Variants in RNF220 observed in about 807,000 individuals in gnomAD.
RNF220 encodes the protein E3 ubiquitin-protein ligase RNF220.
In RNF220, 7 loss-of-function variants were observed where a neutral mutation model predicts 67.1. That is an observed-to-expected ratio of 0.10 (90% CI 0.06 to 0.20). RNF220 has a LOEUF of 0.20. Ranked by LOEUF, RNF220 falls within the 10% of genes least tolerant of loss-of-function variation. RNF220 has a pLI of 1.00. For synonymous variants in RNF220, 270 were observed against 283.2 expected (o/e 0.95, Z 0.47); for missense variants, 565 against 740.3 (o/e 0.76, Z 2.75).
chr1:44,587,901 T>C (rs1665825084), intron 2 of RNF220, among the ~76,000 whole-genome samples: 1 of 152,192 alleles, frequency 6.6e-6, no homozygotes, highest in African/African-American at 2.4e-5. Flanking sequence ...TGAATGTGCA[T>C]TTGCGGCTAT....
At chr1:44,563,797 T>G (rs1663777176) in intron 2 of RNF220, among the ~76,000 whole-genome samples, 1 of 152,224 alleles carries the variant, frequency 6.6e-6, no homozygotes, top group Admixed American at 6.5e-5. Flanking sequence ...GTCCGTGTTC[T>G]TCTTCCACCC....
intron 2 of RNF220, among the ~76,000 whole-genome samples, chr1:44,576,562 G>A (rs374232341): frequency 6.6e-6 from 1 of 151,956 alleles, no homozygotes; most frequent in South Asian, 2.1e-4. Flanking sequence ...TGGCTGGGCT[G>A]TGACTGAAGC....
intron 2 of RNF220, among the ~76,000 whole-genome samples, chr1:44,499,696 T>G (rs1284624408): frequency 2.0e-5 from 3 of 149,322 alleles, no homozygotes; most frequent in African/African-American, 7.8e-5. Context: ...CCCAAATTTA[T>G]ATCTCTAGCC....
At position 44,614,295 on chromosome 1, in the gene RNF220, G is replaced by A. The variant is rs762350391; in HGVS notation, c.756G>A (p.Ser252=). The A allele has an allele frequency of 8.1e-6, 13 of 1,613,616 alleles. No individual in the cohort carries two copies. The highest frequency in any genetic ancestry group is 4.4e-5 in the South Asian group (4 of 90,938). The change falls in exon 3 of 15, where the codon TCG becomes TCA. Residue 252 remains serine, a splice_region_variant and synonymous_variant. Coordinates refer to ENST00000361799, the MANE Select transcript of RNF220 (RefSeq NM_018150.4). ...TGGAGCAGCTAGCCCAACTGCCCTC[G>A]AGGTAAGCCACCTCCCAGGGAGCCT... is the stretch of plus-strand genomic sequence containing the variant. ...QELEQLAQLP[S]SKNSLLKDAM... is the part of the protein sequence containing the mutation.
chr1:44,541,373 A>C (rs982735714), intron 2 of RNF220, among the ~76,000 whole-genome samples: 1 of 152,248 alleles, frequency 6.6e-6, no homozygotes, highest in Non-Finnish European at 1.5e-5. Flanking sequence ...GGTTGCAGTA[A>C]GCCAAGATCG....
chr1:44,462,831 A>G (rs1005217198), intron 2 of RNF220, among the ~76,000 whole-genome samples: 16 of 149,758 alleles, frequency 1.1e-4, no homozygotes, highest in African/African-American at 3.9e-4. Context: ...GATCGAGACC[A>G]TCCTGGCTAA....
At chr1:44,632,549 A>C in intron 6 of RNF220, 164 bp downstream of exon 6, 1 of 699,808 alleles carries the variant, frequency 1.4e-6, no homozygotes, top group African/African-American at 1.8e-5. Flanking sequence ...TGCCGCTCTC[A>C]GTTTCCCCGT....
In RNF220 at chr1:44,622,185, G is replaced by C. The variant is rs539844611; in HGVS notation, c.759-557G>C. On this transcript the variant is annotated intron_variant, in intron 3 of 14. Transcript: ENST00000361799. The surrounding 1 kb of genome is among the most constrained non-coding windows in gnomAD (Gnocchi z 4.3). ...TCCATCACCTCCCACCCCAGCCCCC[G>C]CCTGCTCTGAGCCGCCCACCATATT... is the stretch of plus-strand genomic sequence containing the variant. Among the ~76,000 whole-genome samples, 1 of 152,052 alleles carries C rather than the reference G, an allele frequency of 6.6e-6. No individual in the cohort carries two copies.
chr1:44,607,477 G>A (rs1048273989), intron 2 of RNF220, among the ~76,000 whole-genome samples: 4 of 136,234 alleles, frequency 2.9e-5, no homozygotes, highest in Non-Finnish European at 4.6e-5. Flanking sequence ...ACCTTCAAAT[G>A]TGCTGTTTTC....
chr1:44,457,120 C>A (rs1653272000), intron 2 of RNF220, among the ~76,000 whole-genome samples: 1 of 152,010 alleles, frequency 6.6e-6, no homozygotes, highest in African/African-American at 2.4e-5. Flanking sequence ...TATACTCTCC[C>A]AACACCCTCC....
chr1:44,611,637 C>T (rs917818861), intron 2 of RNF220, among the ~76,000 whole-genome samples: 4 of 152,202 alleles, frequency 2.6e-5, no homozygotes, highest in African/African-American at 9.6e-5. Flanking sequence ...ATCCTGCCAA[C>T]CTTGCTGGCC....
At chr1:44,558,479 T>C (rs1404596988) in intron 2 of RNF220, among the ~76,000 whole-genome samples, 2 of 152,176 alleles carry the variant, frequency 1.3e-5, no homozygotes, top group East Asian at 3.8e-4. Context: ...GGGGAAGAAA[T>C]AGACACATAT....
At chr1:44,644,928 C>G in intron 9 of RNF220, 67 bp from the exon 10 acceptor site, 1 of 1,578,384 alleles carries the variant, frequency 6.3e-7, no homozygotes. Context: ...GGGCCATGCT[C>G]TCCTGAGGAT....
At chr1:44,557,536 T>C (rs562813182) in intron 2 of RNF220, among the ~76,000 whole-genome samples, 3 of 151,778 alleles carry the variant, frequency 2.0e-5, no homozygotes, top group African/African-American at 7.3e-5. Context: ...CTGAAATACC[T>C]TGAAAACTAG....
At chr1:44,632,223 G>A in intron 5 of RNF220, 120 bp from the exon 6 acceptor site, 1 of 1,611,994 alleles carries the variant, frequency 6.2e-7, no homozygotes, top group Non-Finnish European at 8.5e-7. Flanking sequence ...GTTTGTTTAC[G>A]GGCTGTTTGG....
rs151185575 is a variant in RNF220, at chr1:44,626,466, G to A, written c.906+68G>A. On this transcript the variant is annotated intron_variant, in intron 5 of 14. Coordinates refer to ENST00000361799, the MANE Select transcript of RNF220 (RefSeq NM_018150.4). ...GGGGGAGGGCTTCAAGAGCCTGCCC[G>A]GTGCTAACTCCTCCTCTCCTCTGTA... 3.7e-4 allele frequency: 455 copies of A among 1,222,690 alleles called. No homozygotes were observed. The African/African-American group carries it at 5.4e-3, about 14-fold the overall frequency. The allele number at this position is 1,222,690 out of a possible 1,614,324, so 75.7% of individuals were successfully genotyped here.
At chr1:44,644,086 A>G (rs1289176222) in intron 8 of RNF220, 1 of 154,676 alleles carries the variant, frequency 6.5e-6, no homozygotes, top group Non-Finnish European at 1.4e-5. Context: ...TAATCCCTTT[A>G]TAACTGCACT....
chr1:44,446,836 C>T (rs991072494), intron 2 of RNF220, among the ~76,000 whole-genome samples: 17 of 152,188 alleles, frequency 1.1e-4, no homozygotes, highest in African/African-American at 4.1e-4. Flanking sequence ...GGATTACAGG[C>T]GTGAGCCACC....
rs1667310545 is a variant in RNF220, at chr1:44,606,925, A to T, written c.626-7240A>T. 2.6e-5 allele frequency among the ~76,000 whole-genome samples: 4 copies of T among 152,302 alleles called. No homozygotes were observed. In the South Asian group the frequency reaches 8.3e-4, roughly 32 times the overall value. On this transcript the variant is annotated intron_variant, in intron 2 of 14. Transcript: ENST00000361799. This position sits in a 1 kb window ranked among gnomAD's most constrained non-coding sequence, Gnocchi z 4.2. ...CAGCATTTTCACATGAATGTCTAAT[A>T]GTTCCTCAAGCTAAGTACATCCAAA...
Sources: gnomAD v4.1 joint callset for allele counts (sites outside exome capture counted in the v4.1 genomes callset) on GRCh38, gnomAD v4.1.1 for gene constraint, Gnocchi (gnomAD v3.1) non-coding constraint, MANE v1.5 for transcripts, NCBI Gene and HGNC (gene_info 2026-07-23, HGNC 2026-07-21) for gene names.